PRKCB: variants seen among roughly 807,000 people sequenced by gnomAD.
PRKCB encodes protein kinase C beta type.
PRKCB carries 13 observed loss-of-function variants against 81.5 expected under a neutral mutation model. That is an observed-to-expected ratio of 0.16 (90% CI 0.10 to 0.25). The LOEUF (loss-of-function observed/expected upper bound fraction) is 0.25, where lower values mean the gene tolerates loss of function less well. Among genes scored for constraint, PRKCB ranks in the 10% least tolerant of loss-of-function variants. The pLI is 1.00. For synonymous variants in PRKCB, 335 were observed against 321.4 expected, an observed-to-expected ratio of 1.04 and a Z score of -0.45; for missense variants, 509 against 875.7, an observed-to-expected ratio of 0.58 and a Z score of 5.29.
intron 10 of PRKCB, among the ~76,000 whole-genome samples, chr16:24,160,419 G>T (rs1463807615): frequency 6.6e-6 from 1 of 152,128 alleles, no homozygotes; most frequent in African/African-American, 2.4e-5. Context: ...TCATTTTCTA[G>T]CATTGCATGG....
At chr16:24,183,941 A>G (rs1275541944) in intron 13 of PRKCB, among the ~76,000 whole-genome samples, 1 of 152,210 alleles carries the variant, frequency 6.6e-6, no homozygotes, top group African/African-American at 2.4e-5. Context: ...CTTCACAACC[A>G]TATATACCAT....
chr16:24,060,437 G>C (rs1965958081), intron 5 of PRKCB, among the ~76,000 whole-genome samples: 1 of 152,142 alleles, frequency 6.6e-6, no homozygotes, highest in Non-Finnish European at 1.5e-5. Flanking sequence ...TCTAAGGTAG[G>C]TACCCCTTCC....
chr16:24,009,806 G>C (rs1441145743), intron 3 of PRKCB, among the ~76,000 whole-genome samples: 1 of 151,978 alleles, frequency 6.6e-6, no homozygotes, highest in African/African-American at 2.4e-5. Flanking sequence ...CTTGAGGTCA[G>C]GAGTTTGAGA....
intron 2 of PRKCB, among the ~76,000 whole-genome samples, chr16:23,895,938 G>T (rs1193958481): frequency 6.6e-6 from 1 of 152,034 alleles, no homozygotes; most frequent in African/African-American, 2.4e-5. Context: ...TCTGCTCATG[G>T]CAGCTTTTCC....
At chr16:23,911,826 A>T (rs3073128) in intron 2 of PRKCB, among the ~76,000 whole-genome samples, 1,970 of 57,390 alleles carry the variant, frequency 0.034, 473 homozygotes, top group Middle Eastern at 0.059. Flanking sequence ...CGCGACCCAC[A>T]TTTTTTTTTT....
chr16:24,218,493 T>C lies in PRKCB; in HGVS notation c.*3677T>C. 1 of 985,442 alleles carries C rather than the reference T, an allele frequency of 1.0e-6. No individual in the cohort carries two copies. Among genetic ancestry groups the C allele is most frequent in the Non-Finnish European group, 1.2e-6 (1 of 829,936 alleles). 61.0% of individuals were successfully genotyped at this position (985,442 alleles called of 1,614,324 possible). A position where few individuals can be genotyped will look rare whatever the true frequency, so the allele number is the denominator to read the frequency against. On this transcript the variant is annotated 3_prime_UTR_variant, in exon 17 of 17. Coordinates refer to ENST00000643927, the MANE Select transcript of PRKCB (RefSeq NM_002738.7). Reference sequence around the variant, plus strand: ...AGCCACACATACCCACGTGTGCTCCTGAGTTCAGTGTGCCCACCTCACTCC... The same window carrying C: ...AGCCACACATACCCACGTGTGCTCCCGAGTTCAGTGTGCCCACCTCACTCC...
Position 24,215,986 on chromosome 16 carries a change from T to TAAAAAAAAA in PRKCB, c.*1177_*1185dup, listed in dbSNP as rs59543980. ...TTTTTCTTCTAGCATCGAGATACAA[T>TAAAAAAAAA]AAAAAAAAAAAAAAAGAAAAGAAGA... On this transcript the variant is annotated 3_prime_UTR_variant, in exon 17 of 17. Transcript: ENST00000643927. 1.4e-6 allele frequency: 1 copy of TAAAAAAAAA among 699,368 alleles called. No individual in the cohort carries two copies. The highest frequency in any genetic ancestry group is 1.7e-6 in the Non-Finnish European group (1 of 583,758). The allele number at this position is 699,368 out of a possible 1,614,324, so 43.3% of individuals were successfully genotyped here. A position where few individuals can be genotyped will look rare whatever the true frequency, so the allele number is the denominator to read the frequency against.
intron 7 of PRKCB, among the ~76,000 whole-genome samples, chr16:24,095,887 T>C (rs1222101218): frequency 1.3e-5 from 2 of 152,184 alleles, no homozygotes; most frequent in East Asian, 3.9e-4. Context: ...TAATGGCTGG[T>C]AATCCTTTAT....
At chr16:24,116,437 C>CT (rs1296320288) in intron 8 of PRKCB, among the ~76,000 whole-genome samples, 1 of 152,046 alleles carries the variant, frequency 6.6e-6, no homozygotes, top group Non-Finnish European at 1.5e-5. Context: ...AGAAATAGCA[C>CT]TTACGTATTC....
intron 5 of PRKCB, among the ~76,000 whole-genome samples, chr16:24,051,384 G>A (rs1362190839): frequency 6.6e-6 from 1 of 152,170 alleles, no homozygotes; most frequent in Non-Finnish European, 1.5e-5. Context: ...TTTACCTGGG[G>A]TAATTAGCAC....
intron 5 of PRKCB, among the ~76,000 whole-genome samples, chr16:24,071,782 C>T (rs1349223020): frequency 6.6e-6 from 1 of 152,008 alleles, no homozygotes; most frequent in African/African-American, 2.4e-5. Flanking sequence ...CTGGCCTACA[C>T]CATATAAGGA....
intron 3 of PRKCB, among the ~76,000 whole-genome samples, chr16:23,989,357 T>TTCC (rs1964846887): frequency 6.6e-6 from 1 of 152,134 alleles, no homozygotes; most frequent in African/African-American, 2.4e-5. Flanking sequence ...AGTGTTGGGA[T>TTCC]TCCAGGCGTG....
intron 2 of PRKCB, among the ~76,000 whole-genome samples, chr16:23,943,853 A>G (rs1964169985): frequency 6.6e-6 from 1 of 152,180 alleles, no homozygotes; most frequent in Non-Finnish European, 1.5e-5. Context: ...GGATCTTGTT[A>G]ATGAACTGAT....
intron 2 of PRKCB, among the ~76,000 whole-genome samples, chr16:23,873,198 A>AG (rs1376036542): frequency 2.8e-5 from 4 of 141,642 alleles, no homozygotes; most frequent in African/African-American, 7.6e-5. Flanking sequence ...ACAAAAAAAA[A>AG]AAAAAAAAAA....
chr16:23,873,143 C>T (rs1049314147), intron 2 of PRKCB, among the ~76,000 whole-genome samples: 5 of 142,650 alleles, frequency 3.5e-5, no homozygotes, highest in Admixed American at 2.2e-4. Context: ...GGCTGGCCAA[C>T]GTGGCTAAAC....
rs138006008 is a variant in PRKCB, at chr16:24,214,389, A to G, written c.1864-269A>G. Reference sequence around the variant, plus strand: ...CCACCATCTCATGCCTTTGCCATCCATCTCCTGACTGGCCAGAAGGACACC... The same window carrying G: ...CCACCATCTCATGCCTTTGCCATCCGTCTCCTGACTGGCCAGAAGGACACC... On this transcript the variant is annotated intron_variant, in intron 16 of 16. Transcript: ENST00000643927. Among the ~76,000 whole-genome samples, 659 of 152,224 alleles carry G rather than the reference A, an allele frequency of 4.3e-3. 3 individuals carry two copies. Among genetic ancestry groups the G allele is most frequent in the African/African-American group, 0.015 (608 of 41,536 alleles).
At chr16:24,091,549 C>G (rs1344500803) in intron 5 of PRKCB, among the ~76,000 whole-genome samples, 2 of 152,128 alleles carry the variant, frequency 1.3e-5, no homozygotes, top group African/African-American at 2.4e-5. Context: ...GATTTAGTCT[C>G]CCTCATCCTT....
chr16:24,177,757 T>C (rs557674954), intron 12 of PRKCB, among the ~76,000 whole-genome samples: 2 of 152,220 alleles, frequency 1.3e-5, no homozygotes, highest in South Asian at 4.2e-4. Context: ...GCAGCTTGGG[T>C]GGTGGTGTCA....
intron 2 of PRKCB, among the ~76,000 whole-genome samples, chr16:23,951,534 G>A (rs1220540006): frequency 1.3e-5 from 2 of 149,990 alleles, no homozygotes; most frequent in Non-Finnish European, 3.0e-5. Flanking sequence ...TCCCACCTTA[G>A]CCTCCCTAGT....
Sources: allele counts gnomAD v4.1 joint callset (sites outside exome capture counted in the v4.1 genomes callset), GRCh38; gene constraint gnomAD v4.1.1; transcripts MANE v1.5; gene names NCBI Gene and HGNC (gene_info 2026-07-23, HGNC 2026-07-21).